MARK2: variants seen among roughly 807,000 people sequenced by gnomAD.
The protein encoded by MARK2 is microtubule affinity regulating kinase 2.
A neutral mutation model predicts 89.8 loss-of-function variants in MARK2; 16 were observed. That is an observed-to-expected ratio of 0.18 (90% confidence interval 0.12 to 0.27). MARK2 has a LOEUF of 0.27. MARK2 is among the 10% of genes least tolerant of loss of function. MARK2 has a pLI of 1.00. For missense variants in MARK2, 621 were observed against 1,049.9 expected, an observed-to-expected ratio of 0.59 and a Z score of 5.65; for synonymous variants, 382 against 399.5, an observed-to-expected ratio of 0.96 and a Z score of 0.52.
intron 1 of MARK2, among the ~76,000 whole-genome samples, chr11:63,852,591 T>A (rs1303981044): frequency 2.6e-5 from 4 of 151,486 alleles, no homozygotes; most frequent in African/African-American, 9.7e-5. Context: ...CTGCAACTTG[T>A]ATGTTAAAAA....
rs140627333 is a variant in MARK2 at position 63,846,284 on chromosome 11, C to T, written c.54+6724C>T. On this transcript the variant is annotated intron_variant, in intron 1 of 18. Coordinates refer to ENST00000402010, the MANE Select transcript of MARK2 (RefSeq NM_001039469.3). ...GTAATCCCAGCACTTCGGGAGGCCA[C>T]GGCAGGAGGATCACTTGAGCCCAGG... is the stretch of plus-strand genomic sequence containing the variant. 5.8e-3 allele frequency among the ~76,000 whole-genome samples: 874 copies of T among 151,930 alleles called. 11 individuals are homozygous for T. Among genetic ancestry groups the T allele is most frequent in the African/African-American group, 0.02 (841 of 41,452 alleles).
intron 1 of MARK2, among the ~76,000 whole-genome samples, chr11:63,874,876 G>A (rs190708834): frequency 6.6e-6 from 1 of 152,268 alleles, no homozygotes; most frequent in African/African-American, 2.4e-5. Flanking sequence ...GGGAGTGTGT[G>A]TGAGGCCTTA....
intron 1 of MARK2, among the ~76,000 whole-genome samples, chr11:63,858,579 T>C (rs1261597473): frequency 1.3e-5 from 2 of 150,406 alleles, no homozygotes. Context: ...GGTCTCGAAC[T>C]CCTGACCTCG....
intron 1 of MARK2, among the ~76,000 whole-genome samples, chr11:63,841,548 C>G (rs1294182521): frequency 6.6e-6 from 1 of 152,208 alleles, no homozygotes; most frequent in Non-Finnish European, 1.5e-5. Context: ...TCTGGGCCCT[C>G]TTGAGGTTGC....
chr11:63,888,565 T>G, intron 1 of MARK2: 1 of 1,094,952 alleles, frequency 9.1e-7, no homozygotes, highest in Non-Finnish European at 1.1e-6. Flanking sequence ...CCTATTCCCC[T>G]CCTGCCCCTT....
In MARK2 at chr11:63,865,599, A is replaced by T. The variant is rs190799622; in HGVS notation, c.54+26039A>T. ...TGTGGCAGTGCTTTCCTTGCTAATG[A>T]AAAGGCTGTCATAATGGGTTAGGTC... is the stretch of plus-strand genomic sequence containing the variant. On this transcript the variant is annotated intron_variant, in intron 1 of 18. Coordinates refer to ENST00000402010, the MANE Select transcript of MARK2 (RefSeq NM_001039469.3). Among the ~76,000 whole-genome samples, 3 of 152,266 alleles carry T rather than the reference A, an allele frequency of 2.0e-5. No homozygotes were observed. In the East Asian group the frequency reaches 5.8e-4, roughly 29 times the overall value.
intron 3 of MARK2, 151 bp downstream of exon 3, chr11:63,895,784 C>T: frequency 1.4e-6 from 1 of 727,910 alleles, no homozygotes; most frequent in Non-Finnish European, 2.4e-6. Flanking sequence ...ATTCTCCCGC[C>T]TCAGCCTCCC....
chr11:63,848,614 G>A (rs1174953328), intron 1 of MARK2, among the ~76,000 whole-genome samples: 2 of 149,844 alleles, frequency 1.3e-5, no homozygotes, highest in Non-Finnish European at 3.0e-5. Flanking sequence ...GCAGTGGCGC[G>A]ATCTCAGCTC....
intron 1 of MARK2, among the ~76,000 whole-genome samples, chr11:63,889,699 A>C (rs1939679177): frequency 6.6e-6 from 1 of 152,272 alleles, no homozygotes; most frequent in Non-Finnish European, 1.5e-5. Flanking sequence ...AAGCTGTTTC[A>C]GCCCTACTTC....
chr11:63,891,847 G>A (rs1359332244), intron 1 of MARK2, among the ~76,000 whole-genome samples: 3 of 152,206 alleles, frequency 2.0e-5, no homozygotes, highest in Non-Finnish European at 4.4e-5. Flanking sequence ...AGCCTGAGGA[G>A]ACCAGGCTTT....
intron 16 of MARK2, among the ~76,000 whole-genome samples, chr11:63,905,560 C>A (rs1458796593): frequency 3.9e-5 from 6 of 152,238 alleles, no homozygotes; most frequent in African/African-American, 1.4e-4. Flanking sequence ...TAAATGAAAT[C>A]ACTGGCGAGG....
intron 1 of MARK2, among the ~76,000 whole-genome samples, chr11:63,845,025 G>A (rs749972838): frequency 3.3e-5 from 5 of 152,256 alleles, no homozygotes; most frequent in South Asian, 4.1e-4. Flanking sequence ...CTTTGGCCCC[G>A]TGATAGCTTC....
In MARK2 at chr11:63,900,804, A is replaced by G; in HGVS notation, c.913A>G (p.Asn305Asp). ...LEQIMKDRWM[N>D]VGHEDDELKP... ...GCAAATCATGAAAGATCGATGGATG[A>G]ATGTGGGTCACGAAGATGATGAACT... The change falls in exon 10 of 19, where the codon AAT becomes GAT. Residue 305 changes from asparagine to aspartate, a missense_variant. This residue lies in a region of MARK2 where 397 missense variants were observed against 567.8 expected (regional missense o/e 0.70). Coordinates refer to ENST00000402010, the MANE Select transcript of MARK2 (RefSeq NM_001039469.3). This position sits in a 1 kb window ranked among gnomAD's most constrained non-coding sequence, Gnocchi z 4.7. The G allele has an allele frequency of 6.2e-7, 1 of 1,614,158 alleles. No individual in the cohort carries two copies. Among genetic ancestry groups the G allele is most frequent in the Non-Finnish European group, 8.5e-7 (1 of 1,180,034 alleles).
intron 1 of MARK2, 54 bp downstream of exon 1, chr11:63,839,614 C>A (rs1231171798): frequency 2.6e-6 from 3 of 1,154,918 alleles, no homozygotes; most frequent in Admixed American, 2.1e-5. Context: ...TTGCACCTTG[C>A]GGAGCCTCCT....
At chr11:63,868,117 T>C (rs576777703) in intron 1 of MARK2, among the ~76,000 whole-genome samples, 14 of 152,228 alleles carry the variant, frequency 9.2e-5, no homozygotes, top group Non-Finnish European at 1.5e-4. Context: ...TGAGGCTGGG[T>C]GTGGTTGCTT....
At chr11:63,889,910 A>G (rs543674730) in intron 1 of MARK2, among the ~76,000 whole-genome samples, 12 of 152,336 alleles carry the variant, frequency 7.9e-5, no homozygotes, top group African/African-American at 2.2e-4. Flanking sequence ...ACGTCTTACT[A>G]TAAGCAGGGA....
At chr11:63,847,147 C>T in intron 1 of MARK2, among the ~76,000 whole-genome samples, 1 of 152,174 alleles carries the variant, frequency 6.6e-6, no homozygotes, top group Non-Finnish European at 1.5e-5. Flanking sequence ...TTGTCAGTCC[C>T]TGTGGTGGTT....
intron 1 of MARK2, among the ~76,000 whole-genome samples, chr11:63,866,570 C>G (rs1938142526): frequency 6.6e-6 from 1 of 152,152 alleles, no homozygotes; most frequent in African/African-American, 2.4e-5. Context: ...GCTGAACTCC[C>G]AGTTTCACAT....
At chr11:63,864,098 C>T (rs558102736) in intron 1 of MARK2, among the ~76,000 whole-genome samples, 140 of 151,974 alleles carry the variant, frequency 9.2e-4, no homozygotes, top group African/African-American at 3.1e-3. Flanking sequence ...GGACTACAGG[C>T]GCCCGCCACC....
Sources: allele counts gnomAD v4.1 joint callset (sites outside exome capture counted in the v4.1 genomes callset), GRCh38; gene constraint gnomAD v4.1.1; regional missense constraint gnomAD v4.1.1; non-coding constraint Gnocchi (gnomAD v3.1); transcripts MANE v1.5; gene names NCBI Gene and HGNC (gene_info 2026-07-23, HGNC 2026-07-21).